The following TBC1D15 variants were observed in gnomAD, a reference collection of about 807,000 sequenced individuals.
TBC1D15 encodes the protein TBC1 domain family member 15, also known as GAP for RAB7.
In TBC1D15, 39 loss-of-function variants were observed where a neutral mutation model predicts 95.4. The observed-to-expected ratio is 0.41, with a 90% CI of 0.32 to 0.53. The LOEUF (loss-of-function observed/expected upper bound fraction) is 0.53, where lower values mean the gene tolerates loss of function less well. Ranked by LOEUF, TBC1D15 falls within the 20% of genes least tolerant of loss-of-function variation. The pLI is 0.29. For missense variants in TBC1D15, 733 were observed against 794.3 expected (o/e 0.92, Z 0.93); for synonymous variants, 258 against 261.3 (o/e 0.99, Z 0.12).
chr12:71,865,511 C>G (rs913446548), intron 1 of TBC1D15, among the ~76,000 whole-genome samples: 75 of 152,066 alleles, frequency 4.9e-4, no homozygotes, highest in African/African-American at 1.6e-3. Flanking sequence ...TTGGCAGTAT[C>G]CAGACTCTGT....
At chr12:71,874,288 A>G (rs1292607303) in intron 3 of TBC1D15, among the ~76,000 whole-genome samples, 1 of 152,182 alleles carries the variant, frequency 6.6e-6, no homozygotes, top group African/African-American at 2.4e-5. Flanking sequence ...TTCAAACCAT[A>G]ACTGAAGTTG....
intron 1 of TBC1D15, among the ~76,000 whole-genome samples, chr12:71,844,074 C>G (rs574679332): frequency 6.6e-6 from 1 of 152,290 alleles, no homozygotes; most frequent in East Asian, 1.9e-4. Context: ...CACATCTAAT[C>G]AGTCATGAAG....
At chr12:71,850,649 C>T (rs919613624) in intron 1 of TBC1D15, among the ~76,000 whole-genome samples, 9 of 152,098 alleles carry the variant, frequency 5.9e-5, no homozygotes, top group South Asian at 2.1e-4. Context: ...GCCCTCAAGG[C>T]GATCCTCCTA....
At chr12:71,872,020 A>T in intron 1 of TBC1D15, 50 bp from the exon 2 acceptor site, 1 of 798,896 alleles carries the variant, frequency 1.3e-6, no homozygotes, top group Non-Finnish European at 1.9e-6. Flanking sequence ...AACATGTTAA[A>T]ATAGTACTCA....
chr12:71,923,390 A>G lies in TBC1D15; in HGVS notation c.*186A>G, dbSNP rs531587055. On this transcript the variant is annotated 3_prime_UTR_variant, in exon 17 of 17. Coordinates refer to ENST00000485960, the MANE Select transcript of TBC1D15 (RefSeq NM_001146213.3). ...AATTATTTTTGTAGTTACTTCTACC[A>G]AATAGCCTTTCCTTTTCGATAACAT... 189 of 539,128 alleles carry G rather than the reference A, an allele frequency of 3.5e-4. 5 individuals carry two copies. The East Asian group carries it at 5.6e-3, about 16-fold the overall frequency. The allele number at this position is 539,128 out of a possible 1,614,324, so 33.4% of individuals were successfully genotyped here.
intron 1 of TBC1D15, among the ~76,000 whole-genome samples, chr12:71,855,835 T>TA (rs1888930592): frequency 6.6e-6 from 1 of 151,788 alleles, no homozygotes; most frequent in Admixed American, 6.5e-5. Context: ...GTGTCTTTTT[T>TA]AAAAAATGGT....
intron 5 of TBC1D15, among the ~76,000 whole-genome samples, chr12:71,892,615 A>G (rs1897384205): frequency 6.6e-6 from 1 of 151,944 alleles, no homozygotes; most frequent in South Asian, 2.1e-4. Context: ...AACTAAAAAC[A>G]TAGTATTACC....
chr12:71,869,501 C>T (rs570369434), intron 1 of TBC1D15, among the ~76,000 whole-genome samples: 1 of 152,210 alleles, frequency 6.6e-6, no homozygotes, highest in East Asian at 1.9e-4. Flanking sequence ...CCAGCCTGGG[C>T]AACAGAGCAA....
chr12:71,921,350 TTTG>T lies in TBC1D15; in HGVS notation c.1717-14_1717-12del. The T allele has an allele frequency of 6.9e-7, 1 of 1,459,764 alleles. No homozygotes were observed. Among genetic ancestry groups the T allele is most frequent in the African/African-American group, 1.4e-5 (1 of 71,568 alleles). 90.4% of individuals were successfully genotyped at this position (1,459,764 alleles called of 1,614,324 possible). On this transcript the variant is annotated splice_polypyrimidine_tract_variant and intron_variant, in intron 15 of 16. Transcript: ENST00000485960. ...GTATTCAGTTTCGATATCATTTTAT[TTTG>T]TTGATACTTTTTAGCATATCAATGA...
At chr12:71,889,184 C>A (rs561969758) in intron 5 of TBC1D15, among the ~76,000 whole-genome samples, 1 of 152,218 alleles carries the variant, frequency 6.6e-6, no homozygotes, top group African/African-American at 2.4e-5. Context: ...ACACTTTGTT[C>A]TCTTCTCATT....
At position 71,850,856 on chromosome 12, in the gene TBC1D15, G is replaced by A. The variant is rs146757452; in HGVS notation, c.30+11045G>A. On this transcript the variant is annotated intron_variant, in intron 1 of 16. Coordinates refer to ENST00000485960, the MANE Select transcript of TBC1D15 (RefSeq NM_001146213.3). ...ACAAAAATTAGCCAGGTGTTGTGGCGCGCGCCTATAGTCCCAACTACTTGG... is the reference window on the plus strand; with the variant it reads ...ACAAAAATTAGCCAGGTGTTGTGGCACGCGCCTATAGTCCCAACTACTTGG... 5.9e-4 allele frequency among the ~76,000 whole-genome samples: 89 copies of A among 151,628 alleles called. 1 individual carries two copies. The highest frequency in any genetic ancestry group is 4.9e-3 in the Admixed American group (75 of 15,218).
chr12:71,864,488 T>G (rs1009308740), intron 1 of TBC1D15, among the ~76,000 whole-genome samples: 1 of 134,860 alleles, frequency 7.4e-6, no homozygotes, highest in African/African-American at 3.2e-5. Flanking sequence ...CAGTTGAGTG[T>G]TTTTTTTTTT....
At chr12:71,895,045 GTTC>G (rs1225103164) in intron 7 of TBC1D15, among the ~76,000 whole-genome samples, 162 bp downstream of exon 7, 5 of 151,976 alleles carry the variant, frequency 3.3e-5, no homozygotes, top group African/African-American at 1.2e-4. Context: ...CTGCCACTAA[GTTC>G]TTCATTTGTT....
intron 9 of TBC1D15, chr12:71,897,306 G>C (rs931955853): frequency 6.5e-6 from 1 of 153,910 alleles, no homozygotes; most frequent in African/African-American, 2.4e-5. Context: ...CTTGTTCTCA[G>C]TTGTCAGTCT....
chr12:71,874,901 G>T (rs1326326997), intron 3 of TBC1D15, among the ~76,000 whole-genome samples: 1 of 150,624 alleles, frequency 6.6e-6, no homozygotes, highest in African/African-American at 2.4e-5. Flanking sequence ...GAGATTACAG[G>T]CTTGAGCCAC....
At chr12:71,855,667 C>CAA (rs1161851924) in intron 1 of TBC1D15, among the ~76,000 whole-genome samples, 21 of 41,328 alleles carry the variant, frequency 5.1e-4, no homozygotes, top group Admixed American at 6.4e-4. Flanking sequence ...GACTCCATCT[C>CAA]AAAAAAAAAA....
In TBC1D15 at chr12:71,861,573, T is replaced by C. The variant is rs13378075; in HGVS notation, c.31-10497T>C. 3.3e-3 allele frequency: 4,464 copies of C among 1,335,152 alleles called. 120 individuals are homozygous for C. The African/African-American group carries it at 0.061, about 18-fold the overall frequency. The allele number at this position is 1,335,152 out of a possible 1,614,324, so 82.7% of individuals were successfully genotyped here. A position where few individuals can be genotyped will look rare whatever the true frequency, so the allele number is the denominator to read the frequency against. On this transcript the variant is annotated intron_variant, in intron 1 of 16. Coordinates refer to ENST00000485960, the MANE Select transcript of TBC1D15 (RefSeq NM_001146213.3). ...ATAGTTTTTAAATTTCTGATTTTAT[T>C]TGGGTCTTTTCACTTTTTTTCTTGG...
At chr12:71,869,644 A>G (rs944452050) in intron 1 of TBC1D15, among the ~76,000 whole-genome samples, 1 of 152,234 alleles carries the variant, frequency 6.6e-6, no homozygotes, top group Non-Finnish European at 1.5e-5. Flanking sequence ...ATAGATACAT[A>G]TGCTGAACAA....
intron 3 of TBC1D15, among the ~76,000 whole-genome samples, chr12:71,874,205 A>C (rs1267037999): frequency 2.0e-5 from 3 of 152,222 alleles, no homozygotes; most frequent in Non-Finnish European, 2.9e-5. Context: ...GCACCAGCCT[A>C]ACAAATCGAG....
Sources: allele counts gnomAD v4.1 joint callset (sites outside exome capture counted in the v4.1 genomes callset), GRCh38; gene constraint gnomAD v4.1.1; transcripts MANE v1.5; gene names NCBI Gene and HGNC (gene_info 2026-07-23, HGNC 2026-07-21).